Variants in SIL1 observed in about 807,000 individuals in gnomAD.
SIL1 encodes SIL1 nucleotide exchange factor, also known as nucleotide exchange factor SIL1.
In SIL1, 40 loss-of-function variants were observed where a neutral mutation model predicts 49.1. The observed-to-expected ratio is 0.81, with a 90% confidence interval of 0.63 to 1.06. The LOEUF is 1.06. Among genes scored for constraint, SIL1 ranks in the 50% least tolerant of loss-of-function variants. SIL1 has a pLI of 0.00. For synonymous variants in SIL1, 253 were observed against 250.8 expected, an observed-to-expected ratio of 1.01 and a Z score of -0.08; for missense variants, 500 against 572.6, an observed-to-expected ratio of 0.87 and a Z score of 1.29.
intron 1 of SIL1, among the ~76,000 whole-genome samples, chr5:139,134,121 T>C (rs887263557): frequency 1.6e-4 from 24 of 152,132 alleles, no homozygotes; most frequent in African/African-American, 5.6e-4. Flanking sequence ...TTATTAGTTG[T>C]TTTGTTTGTT....
chr5:138,988,451 C>T (rs1279147812), intron 7 of SIL1, among the ~76,000 whole-genome samples: 3 of 152,222 alleles, frequency 2.0e-5, no homozygotes, highest in South Asian at 2.1e-4. Context: ...TCAGTAATCA[C>T]TTCTTAGACA....
chr5:139,193,791 T>C (rs1752217438), intron 1 of SIL1, among the ~76,000 whole-genome samples: 1 of 152,172 alleles, frequency 6.6e-6, no homozygotes, highest in African/African-American at 2.4e-5. Context: ...AAGTCCCACA[T>C]ACGGATATCC....
At chr5:139,039,313 C>T (rs767614118) in intron 5 of SIL1, among the ~76,000 whole-genome samples, 16 of 152,190 alleles carry the variant, frequency 1.1e-4, no homozygotes, top group Non-Finnish European at 1.6e-4. Flanking sequence ...CACCAAATAG[C>T]AGGCAGAAAT....
At chr5:138,982,452 C>T (rs1767547995) in intron 7 of SIL1, among the ~76,000 whole-genome samples, 1 of 152,230 alleles carries the variant, frequency 6.6e-6, no homozygotes, top group East Asian at 1.9e-4. Context: ...TGCAGCTCCT[C>T]AGAGCGATGC....
intron 3 of SIL1, among the ~76,000 whole-genome samples, chr5:139,119,592 C>T (rs916015192): frequency 1.3e-5 from 2 of 152,162 alleles, no homozygotes; most frequent in Non-Finnish European, 2.9e-5. Flanking sequence ...AAAACCTAGT[C>T]TCTACAAAAA....
chr5:138,981,829 CTCT>C (rs1224908885), intron 7 of SIL1, among the ~76,000 whole-genome samples: 2 of 151,166 alleles, frequency 1.3e-5, no homozygotes, highest in Non-Finnish European at 3.0e-5. Flanking sequence ...CAATCTCTCT[CTCT>C]TTTTTTTTTC....
At chr5:139,149,175 C>T (rs976403667) in intron 1 of SIL1, among the ~76,000 whole-genome samples, 1 of 152,180 alleles carries the variant, frequency 6.6e-6, no homozygotes, top group Non-Finnish European at 1.5e-5. Flanking sequence ...CACTTACTAC[C>T]TGTGGTTACA....
At chr5:139,047,017 G>A (rs1048339258) in intron 4 of SIL1, among the ~76,000 whole-genome samples, 3 of 152,150 alleles carry the variant, frequency 2.0e-5, no homozygotes, top group Non-Finnish European at 2.9e-5. Flanking sequence ...TGGCACGTGG[G>A]CACTCAATAG....
chr5:139,071,189 A>G (rs1323291115), intron 3 of SIL1, among the ~76,000 whole-genome samples: 3 of 54,442 alleles, frequency 5.5e-5, no homozygotes, highest in African/African-American at 1.5e-4. Context: ...GACAATTTAT[A>G]AGAAGAAGAA....
rs529903471 is a variant in SIL1, at chr5:138,956,045, C to G, written c.768-4161G>C. Among the ~76,000 whole-genome samples, 13 of 152,322 alleles carry G rather than the reference C, an allele frequency of 8.5e-5. 1 individual carries two copies. Among genetic ancestry groups the G allele is most frequent in the Admixed American group, 8.5e-4 (13 of 15,306 alleles). ...TGTGATTGAGACTGCCAGGCCAGAC[C>G]AGGACACCAGAGGCACAGCAGAGGG... On this transcript the variant is annotated intron_variant, in intron 7 of 9. Transcript: ENST00000394817.
At chr5:139,194,348 G>C (rs192500991) in intron 1 of SIL1, among the ~76,000 whole-genome samples, 4 of 152,206 alleles carry the variant, frequency 2.6e-5, no homozygotes, top group Admixed American at 1.3e-4. Context: ...GCTTATGCTA[G>C]GAATCAGGGG....
At chr5:138,993,254 C>T (rs1020842898) in intron 7 of SIL1, among the ~76,000 whole-genome samples, 2 of 152,120 alleles carry the variant, frequency 1.3e-5, no homozygotes, top group Non-Finnish European at 2.9e-5. Context: ...ATCTTGCCAT[C>T]TGGGATGATG....
intron 5 of SIL1, among the ~76,000 whole-genome samples, chr5:139,041,096 G>T (rs1769038385): frequency 6.6e-6 from 1 of 152,118 alleles, no homozygotes; most frequent in Non-Finnish European, 1.5e-5. Flanking sequence ...CCTGTCCTAG[G>T]CACCCAGGCA....
At chr5:139,066,251 C>T (rs181405754) in intron 3 of SIL1, among the ~76,000 whole-genome samples, 5 of 152,308 alleles carry the variant, frequency 3.3e-5, no homozygotes, top group Admixed American at 3.3e-4. Flanking sequence ...ATATTCTCTG[C>T]CTTATCGCCC....
At chr5:138,957,704 G>T (rs1343871740) in intron 7 of SIL1, among the ~76,000 whole-genome samples, 1 of 152,064 alleles carries the variant, frequency 6.6e-6, no homozygotes. Context: ...TATTTACACA[G>T]ATTTTCTTTT....
chr5:139,035,642 C>CTTCT (rs1768888220), intron 5 of SIL1: 2 of 153,104 alleles, frequency 1.3e-5, no homozygotes, highest in African/African-American at 9.7e-5. Context: ...AGGTATACAA[C>CTTCT]TTTTTTTTTT....
At chr5:139,184,514 A>C (rs918457162) in intron 1 of SIL1, among the ~76,000 whole-genome samples, 4 of 152,066 alleles carry the variant, frequency 2.6e-5, no homozygotes, top group Non-Finnish European at 4.4e-5. Context: ...CTCTACAAAA[A>C]AATTTTAAAA....
chr5:139,143,306 TACACACACACAC>T (rs752710937), intron 1 of SIL1, among the ~76,000 whole-genome samples: 6,658 of 123,654 alleles, frequency 0.054, 290 homozygotes, highest in East Asian at 0.11. Context: ...TATACATATA[TACACACACACAC>T]ACACACACAC....
intron 2 of SIL1, among the ~76,000 whole-genome samples, chr5:139,124,752 T>C (rs1750721390): frequency 6.6e-6 from 1 of 152,226 alleles, no homozygotes. Context: ...TATTAAGCCC[T>C]GATCATATGT....
Sources: allele counts gnomAD v4.1 joint callset (sites outside exome capture counted in the v4.1 genomes callset), GRCh38; gene constraint gnomAD v4.1.1; transcripts MANE v1.5; gene names NCBI Gene and HGNC (gene_info 2026-07-23, HGNC 2026-07-21).